NUDT4: variants seen among roughly 807,000 people sequenced by gnomAD.
NUDT4 encodes nudix hydrolase 4, also known as diphosphoinositol polyphosphate phosphohydrolase 2.
NUDT4 carries 5 observed loss-of-function variants against 23.1 expected under a neutral mutation model. The ratio of observed to expected loss-of-function variants is 0.22; its 90% confidence interval spans 0.11 to 0.46. The LOEUF is 0.46. Among genes scored for constraint, NUDT4 ranks in the 20% least tolerant of loss-of-function variants. The pLI is 0.99. For synonymous variants in NUDT4, 50 were observed against 79.0 expected, an observed-to-expected ratio of 0.63 and a Z score of 1.95; for missense variants, 96 against 211.6, an observed-to-expected ratio of 0.45 and a Z score of 3.39.
chr12:93,392,648 C>A (rs1592723124), intron 1 of NUDT4, among the ~76,000 whole-genome samples: 1 of 118,320 alleles, frequency 8.5e-6, no homozygotes, highest in Non-Finnish European at 1.7e-5. Context: ...ATTTTTGTAA[C>A]AATTTGTAGA....
rs112424997 is a variant in NUDT4 at position 93,394,751 on chromosome 12, G to A, written c.210+32G>A. On this transcript the variant is annotated intron_variant, in intron 2 of 4. Coordinates refer to ENST00000415493, the MANE Select transcript of NUDT4 (RefSeq NM_019094.6). ...TGTTCTTTCACACAAATTCTGTTTCGGAGTTTTAAAAACAAGGCCCTTTGC... is the reference window on the plus strand; with the variant it reads ...TGTTCTTTCACACAAATTCTGTTTCAGAGTTTTAAAAACAAGGCCCTTTGC... 7.1e-3 allele frequency: 10,083 copies of A among 1,426,366 alleles called. 408 individuals are homozygous for A. The African/African-American group carries it at 0.093, about 13-fold the overall frequency. 88.4% of individuals were successfully genotyped at this position (1,426,366 alleles called of 1,614,324 possible).
At chr12:93,394,959 C>A (rs909078058) in intron 2 of NUDT4, among the ~76,000 whole-genome samples, 1 of 152,078 alleles carries the variant, frequency 6.6e-6, no homozygotes, top group African/African-American at 2.4e-5. Context: ...AGTGATTCTC[C>A]AGCTTCAGCC....
At position 93,404,158 on chromosome 12, in the gene NUDT4, T is replaced by C. The variant is rs539828699; in HGVS notation, c.*4779T>C. On this transcript the variant is annotated 3_prime_UTR_variant, in exon 5 of 5. Transcript: ENST00000415493. ...TGAAGTACTTTCATTTGGCCATCATTATTTATCAACCTTAAGAAACATGCC... is the reference window on the plus strand; with the variant it reads ...TGAAGTACTTTCATTTGGCCATCATCATTTATCAACCTTAAGAAACATGCC... 1 of 151,412 alleles carries C rather than the reference T, an allele frequency of 6.6e-6. No homozygotes were observed. Among genetic ancestry groups the C allele is most frequent in the Non-Finnish European group, 1.5e-5 (1 of 68,018 alleles). 9.4% of individuals were successfully genotyped at this position (151,412 alleles called of 1,614,324 possible).
chr12:93,392,333 G>A (rs1308986325), intron 1 of NUDT4, among the ~76,000 whole-genome samples: 4 of 142,116 alleles, frequency 2.8e-5, no homozygotes, highest in Non-Finnish European at 6.0e-5. Context: ...TCGGCTCACT[G>A]CAACCTCCGC....
intron 3 of NUDT4, among the ~76,000 whole-genome samples, chr12:93,396,718 G>C (rs1876960012): frequency 6.6e-6 from 1 of 152,022 alleles, no homozygotes; most frequent in African/African-American, 2.4e-5. Flanking sequence ...TTCAAGACCA[G>C]CTTGGCCAAT....
intron 3 of NUDT4, among the ~76,000 whole-genome samples, chr12:93,396,901 T>C (rs1199556780): frequency 6.6e-6 from 1 of 152,184 alleles, no homozygotes; most frequent in Non-Finnish European, 1.5e-5. Context: ...TCAAGTAGAA[T>C]TCAGTCTTTT....
intron 1 of NUDT4, among the ~76,000 whole-genome samples, chr12:93,383,773 A>G (rs1875863586): frequency 6.6e-6 from 1 of 152,228 alleles, no homozygotes; most frequent in Admixed American, 6.5e-5. Context: ...CGGGGCTTTC[A>G]GTGAGCTGAG....
chr12:93,387,246 G>A (rs777327379), intron 1 of NUDT4, among the ~76,000 whole-genome samples: 12 of 152,066 alleles, frequency 7.9e-5, no homozygotes, highest in Admixed American at 2.6e-4. Context: ...TGTTTTATTT[G>A]CATGCTCTTT....
At chr12:93,397,007 A>G (rs184171075) in intron 3 of NUDT4, among the ~76,000 whole-genome samples, 4 of 152,352 alleles carry the variant, frequency 2.6e-5, no homozygotes, top group African/African-American at 7.2e-5. Flanking sequence ...ACATTTGTCA[A>G]TATGCTGACA....
chr12:93,391,283 G>T (rs533045650), intron 1 of NUDT4, among the ~76,000 whole-genome samples: 101 of 151,974 alleles, frequency 6.6e-4, no homozygotes, highest in Non-Finnish European at 1.2e-3. Flanking sequence ...ACGAAAATCA[G>T]ACTGGGCATG....
Position 93,404,591 on chromosome 12 carries a change from T to A in NUDT4, c.*5212T>A, listed in dbSNP as rs921235843. ...CAAATGTGATTAAGTCATGGCAATCTATTTACTGGATACTTTGTGGTTACC... is the reference window on the plus strand; with the variant it reads ...CAAATGTGATTAAGTCATGGCAATCAATTTACTGGATACTTTGTGGTTACC... On this transcript the variant is annotated 3_prime_UTR_variant, in exon 5 of 5. Transcript: ENST00000415493. The A allele has an allele frequency of 6.6e-6, 1 of 152,230 alleles. No homozygotes were observed. The allele number at this position is 152,230 out of a possible 1,614,324, so 9.4% of individuals were successfully genotyped here.
At chr12:93,381,832 A>G (rs1157746014) in intron 1 of NUDT4, among the ~76,000 whole-genome samples, 1 of 152,256 alleles carries the variant, frequency 6.6e-6, no homozygotes, top group African/African-American at 2.4e-5. Flanking sequence ...GAGATAGTAG[A>G]TGTGTTCAAG....
At chr12:93,385,151 C>G (rs1875966107) in intron 1 of NUDT4, 1 of 152,176 alleles carries the variant, frequency 6.6e-6, no homozygotes, top group Non-Finnish European at 1.5e-5. Flanking sequence ...AATAACTCTT[C>G]AGCAGTGCCA....
At chr12:93,382,436 T>C (rs1875736074) in intron 1 of NUDT4, among the ~76,000 whole-genome samples, 1 of 152,134 alleles carries the variant, frequency 6.6e-6, no homozygotes, top group South Asian at 2.1e-4. Context: ...GCAGTAAAGC[T>C]TTGGTGGGAA....
chr12:93,390,834 C>T (rs1042412134), intron 1 of NUDT4, among the ~76,000 whole-genome samples: 5 of 152,024 alleles, frequency 3.3e-5, no homozygotes, highest in South Asian at 2.1e-4. Context: ...CACACCTGCC[C>T]GCCTTGGCCT....
In NUDT4 at chr12:93,404,995, T is replaced by C. The variant is rs557638997; in HGVS notation, c.*5616T>C. 1.5e-4 allele frequency: 23 copies of C among 152,148 alleles called. No individual in the cohort carries two copies. The highest frequency in any genetic ancestry group is 5.3e-4 in the African/African-American group (22 of 41,520). 9.4% of individuals were successfully genotyped at this position (152,148 alleles called of 1,614,324 possible). On this transcript the variant is annotated 3_prime_UTR_variant, in exon 5 of 5. Coordinates refer to ENST00000415493, the MANE Select transcript of NUDT4 (RefSeq NM_019094.6). ...TCACTACAATGGCAGAATTCAGTAGTTGAGACAGACCTATGGTCCACAAAG... is the reference window on the plus strand; with the variant it reads ...TCACTACAATGGCAGAATTCAGTAGCTGAGACAGACCTATGGTCCACAAAG...
At chr12:93,397,499 A>T (rs1877014149) in intron 3 of NUDT4, among the ~76,000 whole-genome samples, 1 of 151,888 alleles carries the variant, frequency 6.6e-6, no homozygotes, top group African/African-American at 2.4e-5. Context: ...TTTAACCCAG[A>T]AACAAGCTCA....
At position 93,405,574 on chromosome 12, in the gene NUDT4, C is replaced by G. The variant is rs1033020415; in HGVS notation, c.*6195C>G. ...CAGCTCCCAGCATGGCAGCTAATGGCAAGTTAGTACCATAAAGCCAACTCT... is the reference window on the plus strand; with the variant it reads ...CAGCTCCCAGCATGGCAGCTAATGGGAAGTTAGTACCATAAAGCCAACTCT... On this transcript the variant is annotated 3_prime_UTR_variant, in exon 5 of 5. Transcript: ENST00000415493. The G allele has an allele frequency of 1.1e-5, 1 of 94,550 alleles. No individual in the cohort carries two copies. Among genetic ancestry groups the G allele is most frequent in the Admixed American group, 9.9e-5 (1 of 10,070 alleles). 5.9% of individuals were successfully genotyped at this position (94,550 alleles called of 1,614,324 possible).
Position 93,378,288 on chromosome 12 carries a change from C to G in NUDT4, c.-35C>G, listed in dbSNP as rs753501003. 2.9e-6 allele frequency: 3 copies of G among 1,052,248 alleles called. No homozygotes were observed. The highest frequency in any genetic ancestry group is 1.7e-5 in the African/African-American group (1 of 58,878). The allele number at this position is 1,052,248 out of a possible 1,614,324, so 65.2% of individuals were successfully genotyped here. A position where few individuals can be genotyped will look rare whatever the true frequency, so the allele number is the denominator to read the frequency against. On this transcript the variant is annotated 5_prime_UTR_variant, in exon 1 of 5. Coordinates refer to ENST00000415493, the MANE Select transcript of NUDT4 (RefSeq NM_019094.6). ...GCGGCCGGGCCCCCACGGCGGCGGCCGGAGCAGCAGCAGCAGCAGCAGGAG... is the reference window on the plus strand; with the variant it reads ...GCGGCCGGGCCCCCACGGCGGCGGCGGGAGCAGCAGCAGCAGCAGCAGGAG...
Sources: allele counts gnomAD v4.1 joint callset (sites outside exome capture counted in the v4.1 genomes callset), GRCh38; gene constraint gnomAD v4.1.1; transcripts MANE v1.5; gene names NCBI Gene and HGNC (gene_info 2026-07-23, HGNC 2026-07-21).